PARD3: variants seen among roughly 807,000 people sequenced by gnomAD.
The protein encoded by PARD3 is par-3 family cell polarity regulator.
Under a neutral mutation model 155.4 loss-of-function variants are expected in PARD3, and 75 were observed. That is an observed-to-expected ratio of 0.48 (90% confidence interval 0.40 to 0.58). PARD3 has a LOEUF of 0.58. PARD3 is among the 20% of genes least tolerant of loss of function. PARD3 has a pLI of 0.00. For synonymous variants in PARD3, 576 were observed against 610.5 expected, an observed-to-expected ratio of 0.94 and a Z score of 0.83; for missense variants, 1,642 against 1,721.7, an observed-to-expected ratio of 0.95 and a Z score of 0.82.
chr10:34,653,175 T>C (rs959605598), intron 2 of PARD3, among the ~76,000 whole-genome samples: 6 of 152,130 alleles, frequency 3.9e-5, no homozygotes, highest in Admixed American at 2.0e-4. Flanking sequence ...TTACAAGGAC[T>C]GTATTCTTTA....
chr10:34,327,361 T>C (rs16935313), intron 19 of PARD3, among the ~76,000 whole-genome samples: 11,603 of 152,048 alleles, frequency 0.076, 1,469 homozygotes, highest in African/African-American at 0.27. Context: ...ACAGGAAGAA[T>C]GTAAGTGCTG....
chr10:34,245,702 C>T (rs1179411649), intron 22 of PARD3, among the ~76,000 whole-genome samples: 2 of 152,062 alleles, frequency 1.3e-5, no homozygotes, highest in East Asian at 3.8e-4. Context: ...GGGCTAAGGA[C>T]GGAGAAGCAA....
At chr10:34,309,371 C>G in intron 20 of PARD3, among the ~76,000 whole-genome samples, 1 of 151,786 alleles carries the variant, frequency 6.6e-6, no homozygotes, top group Non-Finnish European at 1.5e-5. Flanking sequence ...CCAACCTGGT[C>G]AACAAAGTGA....
chr10:34,791,237 G>C (rs1841579549), intron 1 of PARD3, among the ~76,000 whole-genome samples: 1 of 152,148 alleles, frequency 6.6e-6, no homozygotes, highest in African/African-American at 2.4e-5. Flanking sequence ...CAGCTACATA[G>C]GGAGCCAACA....
intron 3 of PARD3, among the ~76,000 whole-genome samples, chr10:34,485,769 G>C (rs7913016): frequency 0.031 from 4,655 of 152,182 alleles, 234 homozygotes; most frequent in African/African-American, 0.11. Flanking sequence ...CTCCTTGCGA[G>C]AGAGATTTGT....
At chr10:34,726,475 A>T (rs2133778870) in intron 1 of PARD3, among the ~76,000 whole-genome samples, 1 of 152,254 alleles carries the variant, frequency 6.6e-6, no homozygotes, top group African/African-American at 2.4e-5. Flanking sequence ...AATCCCAGCT[A>T]CTCGGGAGGC....
intron 22 of PARD3, among the ~76,000 whole-genome samples, chr10:34,177,272 A>G (rs1950072936): frequency 6.6e-6 from 1 of 152,076 alleles, no homozygotes; most frequent in African/African-American, 2.4e-5. Flanking sequence ...AAAATAACCC[A>G]TGTGCTGTGC....
At chr10:34,738,997 G>C (rs2094961707) in intron 1 of PARD3, among the ~76,000 whole-genome samples, 1 of 152,116 alleles carries the variant, frequency 6.6e-6, no homozygotes, top group African/African-American at 2.4e-5. Flanking sequence ...TTTACAAATG[G>C]ATGTAAAGTA....
At chr10:34,356,881 G>T (rs1564623772) in intron 14 of PARD3, among the ~76,000 whole-genome samples, 1 of 152,146 alleles carries the variant, frequency 6.6e-6, no homozygotes, top group South Asian at 2.1e-4. Context: ...AAGATTTTTT[G>T]ATATAATTGC....
At position 34,289,310 on chromosome 10, in the gene PARD3, C is replaced by T. The variant is rs887469663; in HGVS notation, c.3066-5065G>A. Among the ~76,000 whole-genome samples the T allele has an allele frequency of 5.3e-5, 8 of 152,212 alleles. No homozygotes were observed. The East Asian group carries it at 9.7e-4, about 18-fold the overall frequency. Reference sequence around the variant, plus strand: ...GTTCAAGTGATTCTCCTGCCTCAGCCTCCCAAGGAGCTAGGACTACAGTCG... The same window carrying T: ...GTTCAAGTGATTCTCCTGCCTCAGCTTCCCAAGGAGCTAGGACTACAGTCG... On this transcript the variant is annotated intron_variant, in intron 20 of 24. Transcript: ENST00000374788.
chr10:34,125,829 G>T (rs1947260047), intron 23 of PARD3, among the ~76,000 whole-genome samples: 1 of 152,212 alleles, frequency 6.6e-6, no homozygotes, highest in African/African-American at 2.4e-5. Flanking sequence ...GGGATGGAAA[G>T]GATTTAGCAA....
intron 1 of PARD3, among the ~76,000 whole-genome samples, chr10:34,779,863 A>G (rs1157163218): frequency 6.6e-6 from 1 of 152,186 alleles, no homozygotes; most frequent in African/African-American, 2.4e-5. Context: ...AGACGTGTCC[A>G]TTTCAAAGTC....
chr10:34,612,531 T>C (rs1030946324), intron 2 of PARD3, among the ~76,000 whole-genome samples: 2 of 152,224 alleles, frequency 1.3e-5, no homozygotes, highest in Non-Finnish European at 1.5e-5. Context: ...AGAGGCACAA[T>C]GTCTGGTGCT....
intron 5 of PARD3, among the ~76,000 whole-genome samples, chr10:34,411,418 C>G (rs1049362752): frequency 1.2e-4 from 18 of 152,058 alleles, no homozygotes; most frequent in Non-Finnish European, 1.9e-4. Flanking sequence ...TTGAGAAAAG[C>G]CCAGTGTCCT....
chr10:34,651,439 G>A (rs563430978), intron 2 of PARD3, among the ~76,000 whole-genome samples: 2 of 152,336 alleles, frequency 1.3e-5, no homozygotes, highest in African/African-American at 4.8e-5. Flanking sequence ...AGGAATTGGT[G>A]AAGCCCCTTC....
intron 1 of PARD3, among the ~76,000 whole-genome samples, chr10:34,757,031 A>G (rs1836829401): frequency 6.6e-6 from 1 of 152,246 alleles, no homozygotes; most frequent in Non-Finnish European, 1.5e-5. Flanking sequence ...AATGTCTTGA[A>G]TATCTGTGAG....
At chr10:34,258,395 C>CG (rs1041256884) in intron 22 of PARD3, among the ~76,000 whole-genome samples, 2 of 152,022 alleles carry the variant, frequency 1.3e-5, no homozygotes, top group Admixed American at 1.3e-4. Context: ...TGACTGTTAT[C>CG]GGGGGGAGCA....
chr10:34,411,053 A>G (rs1266420010), intron 5 of PARD3, among the ~76,000 whole-genome samples: 1 of 152,216 alleles, frequency 6.6e-6, no homozygotes, highest in East Asian at 1.9e-4. Flanking sequence ...GTCTTCTGTC[A>G]GCAACCATGA....
intron 1 of PARD3, among the ~76,000 whole-genome samples, chr10:34,753,643 TC>T (rs1445442856): frequency 6.6e-6 from 1 of 152,188 alleles, no homozygotes; most frequent in Non-Finnish European, 1.5e-5. Flanking sequence ...CAGTAGCCCA[TC>T]CCTGGAGGGC....
Sources: allele counts gnomAD v4.1 joint callset (sites outside exome capture counted in the v4.1 genomes callset), GRCh38; gene constraint gnomAD v4.1.1; transcripts MANE v1.5; gene names NCBI Gene and HGNC (gene_info 2026-07-23, HGNC 2026-07-21).